ARHGEF4: variants seen among roughly 807,000 people sequenced by gnomAD.
ARHGEF4 encodes the protein APC-stimulated guanine nucleotide exchange factor 1.
A neutral mutation model predicts 162.0 loss-of-function variants in ARHGEF4; 119 were observed. The ratio of observed to expected loss-of-function variants is 0.73; its 90% confidence interval spans 0.63 to 0.86. The LOEUF (loss-of-function observed/expected upper bound fraction) is 0.86. Among genes scored for constraint, ARHGEF4 ranks in the 40% least tolerant of loss-of-function variants. The probability of loss-of-function intolerance (pLI) is 0.00; values close to 1 mark genes in which losing one functional copy is unlikely to be tolerated. For missense variants in ARHGEF4, 2,488 were observed against 2,456.0 expected (o/e 1.01, Z -0.28); for synonymous variants, 1,014 against 979.9 (o/e 1.03, Z -0.65).
chr2:130,898,885 C>T (rs574106334), intron 1 of ARHGEF4, among the ~76,000 whole-genome samples: 1 of 152,250 alleles, frequency 6.6e-6, no homozygotes, highest in East Asian at 1.9e-4. Context: ...GGCTGCAGTG[C>T]ACCAGGGGTT....
At chr2:130,851,598 G>A (rs1413099357) in intron 1 of ARHGEF4, among the ~76,000 whole-genome samples, 2 of 152,200 alleles carry the variant, frequency 1.3e-5, no homozygotes, top group African/African-American at 2.4e-5. Context: ...GGCTGGGGGG[G>A]CTCCAGTCTG....
chr2:130,867,194 G>A (rs1035232370), intron 1 of ARHGEF4, among the ~76,000 whole-genome samples: 71 of 151,678 alleles, frequency 4.7e-4, no homozygotes, highest in Admixed American at 2.1e-3. Context: ...TCTTCCAAAA[G>A]TCCATGGTAT....
intron 4 of ARHGEF4, among the ~76,000 whole-genome samples, chr2:131,017,521 G>A (rs1475681314): frequency 2.0e-5 from 3 of 152,156 alleles, no homozygotes; most frequent in Non-Finnish European, 4.4e-5. Flanking sequence ...TTTGCTAGAT[G>A]AACAATCATT....
Position 130,922,883 on chromosome 2 carries a change from T to G in ARHGEF4, c.3552+5385T>G, listed in dbSNP as rs939284764. On this transcript the variant is annotated intron_variant, in intron 2 of 13. Coordinates refer to ENST00000409359, the MANE Select transcript of ARHGEF4 (RefSeq NM_001367493.1). ...GCATTGTGGGTAAATGTGCCACAGA[T>G]ATTTCCTATTTTGTGTGGCTTGTCT... Among the ~76,000 whole-genome samples, 3 of 151,268 alleles carry G rather than the reference T, an allele frequency of 2.0e-5. No homozygotes were observed. The East Asian group carries it at 5.8e-4, about 29-fold the overall frequency.
chr2:130,950,048 G>A (rs1478010428), intron 4 of ARHGEF4, among the ~76,000 whole-genome samples: 2 of 152,230 alleles, frequency 1.3e-5, no homozygotes, highest in African/African-American at 2.4e-5. Flanking sequence ...AGTAGCACTG[G>A]AAGTGACGTT....
Position 130,915,777 on chromosome 2 carries a change from G to A in ARHGEF4, c.1831G>A (p.Ala611Thr), listed in dbSNP as rs1379996981. Residue 611 changes from alanine to threonine, a missense_variant, in exon 2 of 14, where the codon GCC becomes ACC. By Grantham distance (58) the Ala-to-Thr change is moderately conservative. Transcript: ENST00000409359. ...GGAGGGTGAACAGGGGCCTGGGGGT[G>A]CCGGGGGCCGGCAGCTGGAGCCCAA... ...AEEGEQGPGG[A>T]GGRQLEPKAG... 1.3e-6 allele frequency: 2 copies of A among 1,527,082 alleles called. No homozygotes were observed. The highest frequency in any genetic ancestry group is 2.1e-5 in the Admixed American group (1 of 47,594). 94.6% of individuals were successfully genotyped at this position (1,527,082 alleles called of 1,614,324 possible).
chr2:130,932,416 C>G (rs1317383631), intron 3 of ARHGEF4, among the ~76,000 whole-genome samples: 1 of 152,188 alleles, frequency 6.6e-6, no homozygotes, highest in Non-Finnish European at 1.5e-5. Context: ...ACCATGTTGG[C>G]CAGGCTGGTC....
chr2:130,916,484 G>A lies in ARHGEF4; in HGVS notation c.2538G>A (p.Pro846=), dbSNP rs1435828811. Reference sequence around the variant, plus strand: ...CCGCTGCGGCCGGTCGGGACGCACCGCCTCTGCACCACGGGGACGCCAGCG... The same window carrying A: ...CCGCTGCGGCCGGTCGGGACGCACCACCTCTGCACCACGGGGACGCCAGCG... ...NPPAAAGRDA[P]PLHHGDASAW... The change falls in exon 2 of 14, where the codon CCG becomes CCA. Residue 846 remains proline (P), a synonymous_variant. Coordinates refer to ENST00000409359, the MANE Select transcript of ARHGEF4 (RefSeq NM_001367493.1). The A allele has an allele frequency of 1.3e-6, 2 of 1,546,374 alleles. No individual in the cohort carries two copies. Among genetic ancestry groups the A allele is most frequent in the African/African-American group, 1.4e-5 (1 of 73,104 alleles).
Position 130,869,385 on chromosome 2 carries a change from C to T in ARHGEF4, c.39+32393C>T, listed in dbSNP as rs181199616. On this transcript the variant is annotated intron_variant, in intron 1 of 13. Transcript: ENST00000409359. ...GGAATGGGTGAGGGAGGAAGTCTCG[C>T]AGGGCTCCGGGTCTCTGCCTTCATC... is the stretch of plus-strand genomic sequence containing the variant. Among the ~76,000 whole-genome samples the T allele has an allele frequency of 1.2e-4, 19 of 152,288 alleles. No individual in the cohort carries two copies. In the East Asian group the frequency reaches 3.7e-3, roughly 29 times the overall value.
At chr2:131,026,621 A>G (rs1195845603) in intron 4 of ARHGEF4, among the ~76,000 whole-genome samples, 3 of 152,268 alleles carry the variant, frequency 2.0e-5, no homozygotes, top group African/African-American at 7.2e-5. Flanking sequence ...AAAGGAAAAT[A>G]TAAATGGCCC....
At chr2:130,999,834 C>G (rs1197351649) in intron 4 of ARHGEF4, among the ~76,000 whole-genome samples, 1 of 152,228 alleles carries the variant, frequency 6.6e-6, no homozygotes, top group Non-Finnish European at 1.5e-5. Context: ...TCCTGAGTAG[C>G]TGGGACCACA....
At chr2:130,876,520 T>G (rs1054214159) in intron 1 of ARHGEF4, among the ~76,000 whole-genome samples, 2 of 152,108 alleles carry the variant, frequency 1.3e-5, no homozygotes, top group Admixed American at 1.3e-4. Flanking sequence ...GCCTCCTGAG[T>G]AGCTGGGACT....
Position 130,915,986 on chromosome 2 carries a change from G to C in ARHGEF4, c.2040G>C (p.Arg680Ser). The C allele has an allele frequency of 6.4e-7, 1 of 1,550,516 alleles. No homozygotes were observed. Among genetic ancestry groups the C allele is most frequent in the Non-Finnish European group, 8.7e-7 (1 of 1,146,962 alleles). ...AGACCCCCTGTGAGTCTCCCACTAGGGGGAAAACACCAGCCGGTAATGAGT... is the reference window on the plus strand; with the variant it reads ...AGACCCCCTGTGAGTCTCCCACTAGCGGGAAAACACCAGCCGGTAATGAGT... ...TGETPCESPT[R>S]GKTPAGNECE... Residue 680 changes from arginine (R) to serine (S), a missense_variant, in exon 2 of 14, where the codon AGG becomes AGC. Physicochemically the swap from Arg to Ser is moderately radical, Grantham distance 110. Transcript: ENST00000409359.
chr2:130,976,082 C>A (rs549543621), intron 4 of ARHGEF4, among the ~76,000 whole-genome samples: 27 of 152,264 alleles, frequency 1.8e-4, no homozygotes, highest in African/African-American at 6.0e-4. Flanking sequence ...GCTCGGACTG[C>A]CTCCAGTCTC....
Position 131,046,291 on chromosome 2 carries a change from G to T in ARHGEF4, c.*102G>T. ...GCCTGGCCTTCCTCTGCCTGCAAGT[G>T]AGCAGGGATGGGCTGGGGAGTTGCT... On this transcript the variant is annotated 3_prime_UTR_variant, in exon 14 of 14. Transcript: ENST00000409359. The T allele has an allele frequency of 8.1e-7, 1 of 1,240,722 alleles. No homozygotes were observed. Among genetic ancestry groups the T allele is most frequent in the South Asian group, 1.4e-5 (1 of 69,516 alleles). The allele number at this position is 1,240,722 out of a possible 1,614,324, so 76.9% of individuals were successfully genotyped here. A position where few individuals can be genotyped will look rare whatever the true frequency, so the allele number is the denominator to read the frequency against.
chr2:130,848,565 C>G (rs1415186419), intron 1 of ARHGEF4, among the ~76,000 whole-genome samples: 1 of 152,132 alleles, frequency 6.6e-6, no homozygotes, highest in African/African-American at 2.4e-5. Flanking sequence ...TTCCCAGGGC[C>G]CAGGGACCAG....
chr2:130,956,649 G>A (rs994886276), intron 4 of ARHGEF4, among the ~76,000 whole-genome samples: 1 of 151,790 alleles, frequency 6.6e-6, no homozygotes, highest in Non-Finnish European at 1.5e-5. Flanking sequence ...CATAAAAAAT[G>A]ATGAGTTCAT....
At chr2:130,997,232 C>T (rs764854575) in intron 4 of ARHGEF4, among the ~76,000 whole-genome samples, 8 of 152,186 alleles carry the variant, frequency 5.3e-5, no homozygotes, top group Non-Finnish European at 7.3e-5. Flanking sequence ...CCCCACAAGG[C>T]TTTTATTGTT....
intron 5 of ARHGEF4, chr2:131,035,134 G>A: frequency 8.4e-7 from 1 of 1,188,294 alleles, no homozygotes; most frequent in South Asian, 4.2e-5. Flanking sequence ...CGCGGCGCCC[G>A]GGAACGCCCT....
Sources: allele counts gnomAD v4.1 joint callset (sites outside exome capture counted in the v4.1 genomes callset), GRCh38; gene constraint gnomAD v4.1.1; transcripts MANE v1.5; gene names NCBI Gene and HGNC (gene_info 2026-07-23, HGNC 2026-07-21).